The following SMC6 variants were observed in gnomAD, a reference collection of about 807,000 sequenced individuals.
SMC6 encodes the protein structural maintenance of chromosomes protein 6.
SMC6 carries 79 observed loss-of-function variants against 142.2 expected under a neutral mutation model. That is an observed-to-expected ratio of 0.56 (90% CI 0.46 to 0.67). SMC6 has a LOEUF of 0.67. SMC6 is among the 30% of genes least tolerant of loss of function. The pLI is 0.00. For synonymous variants in SMC6, 411 were observed against 412.4 expected (o/e 1.00, Z 0.04); for missense variants, 1,072 against 1,284.0 (o/e 0.83, Z 2.52).
At chr2:17,669,697 GC>G (rs766084790) in intron 26 of SMC6, among the ~76,000 whole-genome samples, 4 of 152,274 alleles carry the variant, frequency 2.6e-5, no homozygotes, top group Admixed American at 6.5e-5. Context: ...AACAAGTTTT[GC>G]TAGAGTAGTG....
At chr2:17,701,033 AAATAATAATAATAATAATAATAAT>A (rs61348893) in intron 20 of SMC6, among the ~76,000 whole-genome samples, 1 of 144,302 alleles carries the variant, frequency 6.9e-6, no homozygotes, top group African/African-American at 2.5e-5. Context: ...CTCCGTCTCA[AAATAATAATAATAATAATAATAAT>A]AATAATAATA....
chr2:17,707,878 A>G (rs1668625369), intron 17 of SMC6, among the ~76,000 whole-genome samples: 1 of 152,054 alleles, frequency 6.6e-6, no homozygotes, highest in South Asian at 2.1e-4. Flanking sequence ...AGGCCTAATC[A>G]ACCTCTCTGG....
At chr2:17,725,686 C>T (rs1464259418) in intron 8 of SMC6, among the ~76,000 whole-genome samples, 1 of 152,120 alleles carries the variant, frequency 6.6e-6, no homozygotes, top group Non-Finnish European at 1.5e-5. Flanking sequence ...CATCGTTGGT[C>T]TTAGTACATC....
At chr2:17,751,255 T>C (rs904156701) in intron 2 of SMC6, among the ~76,000 whole-genome samples, 1 of 151,770 alleles carries the variant, frequency 6.6e-6, no homozygotes, top group African/African-American at 2.4e-5. Flanking sequence ...CCGAGATGGA[T>C]GGATCACTTG....
intron 4 of SMC6, among the ~76,000 whole-genome samples, chr2:17,739,512 G>A (rs1411186706): frequency 6.6e-6 from 1 of 152,004 alleles, no homozygotes; most frequent in Non-Finnish European, 1.5e-5. Context: ...GGGAGTGGTG[G>A]TGCACACTTG....
intron 2 of SMC6, among the ~76,000 whole-genome samples, chr2:17,751,161 A>C (rs1671010844): frequency 6.6e-6 from 1 of 152,076 alleles, no homozygotes; most frequent in Non-Finnish European, 1.5e-5. Context: ...GCAAGTAGGG[A>C]GAATGAAATT....
At chr2:17,713,351 TC>T (rs1668922600) in intron 16 of SMC6, 1 of 376,834 alleles carries the variant, frequency 2.7e-6, no homozygotes, top group Admixed American at 3.1e-5. Context: ...TCCTAGCAAC[TC>T]CTGAGGCCCT....
At chr2:17,673,209 T>C (rs1420658530) in intron 25 of SMC6, among the ~76,000 whole-genome samples, 1 of 152,266 alleles carries the variant, frequency 6.6e-6, no homozygotes, top group Non-Finnish European at 1.5e-5. Context: ...AAGTGGTTTC[T>C]ATTTAAGCCT....
intron 7 of SMC6, among the ~76,000 whole-genome samples, chr2:17,727,709 A>G (rs556894345): frequency 4.5e-4 from 68 of 152,286 alleles, no homozygotes; most frequent in African/African-American, 1.6e-3. Context: ...CATGTTAAAA[A>G]TAATCTTCAT....
chr2:17,738,371 AG>A (rs746979593), intron 4 of SMC6, 45 bp from the exon 5 acceptor site: 8 of 1,424,726 alleles, frequency 5.6e-6, no homozygotes, highest in Non-Finnish European at 7.7e-6. Flanking sequence ...TAAAAGAAAA[AG>A]GAAAAAGCTG....
In SMC6 at chr2:17,664,194, A is replaced by G. The variant is rs1666395430; in HGVS notation, c.*1305T>C. On this transcript the variant is annotated 3_prime_UTR_variant, in exon 28 of 28. Transcript: ENST00000448223. Reference sequence around the variant, plus strand: ...AAAGGCATTATAAGTGTAAATTTAAAAATCAGACTTTGTATGATCAGTGGG... The same window carrying G: ...AAAGGCATTATAAGTGTAAATTTAAGAATCAGACTTTGTATGATCAGTGGG... The G allele has an allele frequency of 6.6e-6, 1 of 152,244 alleles. No individual in the cohort carries two copies. Among genetic ancestry groups the G allele is most frequent in the African/African-American group, 2.4e-5 (1 of 41,466 alleles). The allele number at this position is 152,244 out of a possible 1,614,324, so 9.4% of individuals were successfully genotyped here.
intron 25 of SMC6, 27 bp downstream of exon 25, chr2:17,678,832 T>C (rs770205615): frequency 4.8e-6 from 7 of 1,465,386 alleles, no homozygotes; most frequent in Non-Finnish European, 5.6e-6. Flanking sequence ...TTCTAATGAT[T>C]AGGATGAAAA....
At chr2:17,702,176 G>C (rs1012778156) in intron 19 of SMC6, among the ~76,000 whole-genome samples, 1 of 152,056 alleles carries the variant, frequency 6.6e-6, no homozygotes, top group Admixed American at 6.6e-5. Context: ...TGAGTCCAAC[G>C]AGAAAAATTT....
At chr2:17,739,095 G>A (rs1670299949) in intron 4 of SMC6, among the ~76,000 whole-genome samples, 1 of 152,114 alleles carries the variant, frequency 6.6e-6, no homozygotes, top group Non-Finnish European at 1.5e-5. Flanking sequence ...AAAAAAATCA[G>A]CAAAGTCATA....
At position 17,746,063 on chromosome 2, in the gene SMC6, T is replaced by C. The variant is rs1670731725; in HGVS notation, c.-5-112A>G. 2.8e-6 allele frequency: 3 copies of C among 1,075,958 alleles called. No homozygotes were observed. The African/African-American group carries it at 4.9e-5, about 18-fold the overall frequency. The allele number at this position is 1,075,958 out of a possible 1,614,324, so 66.7% of individuals were successfully genotyped here. On this transcript the variant is annotated intron_variant, in intron 2 of 27. Coordinates refer to ENST00000448223, the MANE Select transcript of SMC6 (RefSeq NM_001142286.2). ...ACTTTAGGTACTATGTCCATCCATT[T>C]TTACCTTAAAAATTAAAGTAAATTA...
chr2:17,683,743 T>C lies in SMC6; in HGVS notation c.2699A>G (p.Glu900Gly), dbSNP rs778005317. The C allele has an allele frequency of 6.2e-6, 10 of 1,610,326 alleles. No homozygotes were observed. In the South Asian group the frequency reaches 9.9e-5, roughly 16 times the overall value. Residue 900 changes from glutamate (E) to glycine (G), a missense_variant, in exon 24 of 28, where the codon GAG (glutamate) becomes GGG (glycine). Around this residue, in one of 3 missense-constraint regions of SMC6, gnomAD observed 994 missense variants for 1,153.2 expected, o/e 0.86. Coordinates refer to ENST00000448223, the MANE Select transcript of SMC6 (RefSeq NM_001142286.2). ...EIMRQYQEAR[E>G]TYLDLDSKVR... ...TTTACTATCCAGATCAAGATAGGTC[T>C]CTCTTGCTTCTTGGTACTGCCTATT... is the stretch of plus-strand genomic sequence containing the variant.
chr2:17,724,012 T>A (rs1669497312), intron 9 of SMC6, among the ~76,000 whole-genome samples: 1 of 152,176 alleles, frequency 6.6e-6, no homozygotes, highest in Admixed American at 6.5e-5. Flanking sequence ...AATTACAATA[T>A]CTTTAATTGT....
intron 9 of SMC6, among the ~76,000 whole-genome samples, chr2:17,724,671 G>C (rs1283526244): frequency 6.6e-6 from 1 of 152,172 alleles, no homozygotes; most frequent in Non-Finnish European, 1.5e-5. Flanking sequence ...AAAACAAATT[G>C]AAGTAAGTCA....
intron 16 of SMC6, among the ~76,000 whole-genome samples, chr2:17,709,250 C>T (rs949422590): frequency 5.9e-5 from 9 of 151,942 alleles, no homozygotes; most frequent in Admixed American, 1.3e-4. Context: ...ATACATAAGT[C>T]AATTATTTAA....
Sources: allele counts gnomAD v4.1 joint callset (sites outside exome capture counted in the v4.1 genomes callset), GRCh38; gene constraint gnomAD v4.1.1; regional missense constraint gnomAD v4.1.1; transcripts MANE v1.5; gene names NCBI Gene and HGNC (gene_info 2026-07-23, HGNC 2026-07-21).